The following IKZF3 variants were observed in gnomAD, a reference collection of about 807,000 sequenced individuals.
IKZF3 encodes IKAROS family zinc finger 3.
A neutral mutation model predicts 49.0 loss-of-function variants in IKZF3; 10 were observed. That is an observed-to-expected ratio of 0.20 (90% confidence interval 0.13 to 0.35). The LOEUF (loss-of-function observed/expected upper bound fraction) is 0.35, where lower values mean the gene tolerates loss of function less well. Ranked by LOEUF, IKZF3 falls within the 10% of genes least tolerant of loss-of-function variation. The pLI is 1.00. For missense variants in IKZF3, 498 were observed against 664.8 expected (o/e 0.75, Z 2.76); for synonymous variants, 209 against 228.2 (o/e 0.92, Z 0.76).
chr17:39,825,030 C>T (rs1409298227), intron 3 of IKZF3, among the ~76,000 whole-genome samples: 1 of 152,166 alleles, frequency 6.6e-6, no homozygotes. Flanking sequence ...TGGCATTTCC[C>T]TGCTGGCACT....
At chr17:39,782,696 A>T (rs191914643) in intron 6 of IKZF3, among the ~76,000 whole-genome samples, 54 of 152,266 alleles carry the variant, frequency 3.5e-4, no homozygotes, top group Middle Eastern at 3.4e-3. Context: ...CGAAATAGGA[A>T]ATCCGTTCCT....
In IKZF3 at chr17:39,758,117, C is replaced by G. The variant is rs946657543; in HGVS notation, c.*7673G>C. 2 of 152,256 alleles carry G rather than the reference C, an allele frequency of 1.3e-5. No homozygotes were observed. Among genetic ancestry groups the G allele is most frequent in the African/African-American group, 4.8e-5 (2 of 41,452 alleles). 9.4% of individuals were successfully genotyped at this position (152,256 alleles called of 1,614,324 possible). On this transcript the variant is annotated 3_prime_UTR_variant, in exon 8 of 8. Coordinates refer to ENST00000346872, the MANE Select transcript of IKZF3 (RefSeq NM_012481.5). ...TCCTCGTCATTCTGCAGACAATGGT[C>G]ATCCACAGACCACACGTGTGGTGGC...
At position 39,792,734 on chromosome 17, in the gene IKZF3, A is replaced by G. The variant is rs2061056666; in HGVS notation, c.363T>C (p.Asp121=). 2.5e-6 allele frequency: 4 copies of G among 1,614,128 alleles called. No homozygotes were observed. Among genetic ancestry groups the G allele is most frequent in the South Asian group, 1.1e-5 (1 of 91,086 alleles). ...AGCTGATGCAGGATAATCCACACACATCGCAGTTCATCTTTCCACTGGTTG... is the reference window on the plus strand; with the variant it reads ...AGCTGATGCAGGATAATCCACACACGTCGCAGTTCATCTTTCCACTGGTTG... ...SRPTSGKMNC[D]VCGLSCISFN... The change falls in exon 4 of 8, where the codon GAT becomes GAC. Residue 121 remains aspartate (D), a synonymous_variant. Transcript: ENST00000346872.
chr17:39,805,774 G>A (rs538731880), intron 3 of IKZF3, among the ~76,000 whole-genome samples: 1 of 152,184 alleles, frequency 6.6e-6, no homozygotes, highest in African/African-American at 2.4e-5. Context: ...ATACTTCAAG[G>A]CTGCAAGCAA....
At chr17:39,845,564 G>C (rs980107478) in intron 1 of IKZF3, among the ~76,000 whole-genome samples, 1 of 151,574 alleles carries the variant, frequency 6.6e-6, no homozygotes, top group Non-Finnish European at 1.5e-5. Flanking sequence ...TTGGAACACA[G>C]CTAAACCCAT....
chr17:39,813,113 A>C (rs1411492422), intron 3 of IKZF3, among the ~76,000 whole-genome samples: 1 of 125,098 alleles, frequency 8.0e-6, no homozygotes, highest in Non-Finnish European at 1.6e-5. Flanking sequence ...AAAAATAAAT[A>C]AATAAATAAA....
At chr17:39,777,991 G>A (rs935478167) in intron 6 of IKZF3, 79 of 1,214,998 alleles carry the variant, frequency 6.5e-5, no homozygotes, top group Non-Finnish European at 7.9e-5. Flanking sequence ...GGGAAAGCTC[G>A]ACCCATCCCC....
chr17:39,852,067 A>T (rs936380471), intron 1 of IKZF3, among the ~76,000 whole-genome samples: 1 of 152,196 alleles, frequency 6.6e-6, no homozygotes, highest in Non-Finnish European at 1.5e-5. Context: ...ATTTTCAGTG[A>T]TCACTAATTT....
intron 1 of IKZF3, among the ~76,000 whole-genome samples, chr17:39,861,406 G>A (rs953195796): frequency 6.6e-6 from 1 of 152,040 alleles, no homozygotes; most frequent in African/African-American, 2.4e-5. Flanking sequence ...AAGATGAGTA[G>A]GCATAAGCAA....
In IKZF3 at chr17:39,761,136, A is replaced by G. The variant is rs1009014809; in HGVS notation, c.*4654T>C. The G allele has an allele frequency of 2.0e-5, 3 of 152,142 alleles. No homozygotes were observed. Among genetic ancestry groups the G allele is most frequent in the African/African-American group, 7.2e-5 (3 of 41,424 alleles). The allele number at this position is 152,142 out of a possible 1,614,324, so 9.4% of individuals were successfully genotyped here. A position where few individuals can be genotyped will look rare whatever the true frequency, so the allele number is the denominator to read the frequency against. On this transcript the variant is annotated 3_prime_UTR_variant, in exon 8 of 8. Coordinates refer to ENST00000346872, the MANE Select transcript of IKZF3 (RefSeq NM_012481.5). ...GCCGATTTTGAGTATGGGCCTAACA[A>G]AATGTTAAGCACTGCATTTAAAAGG...
At chr17:39,822,643 C>T (rs1598115109) in intron 3 of IKZF3, among the ~76,000 whole-genome samples, 4 of 144,236 alleles carry the variant, frequency 2.8e-5, no homozygotes, top group South Asian at 4.3e-4. Flanking sequence ...AGTGCAGTGG[C>T]GCGATCTTGG....
Position 39,763,239 on chromosome 17 carries a change from G to A in IKZF3, c.*2551C>T, listed in dbSNP as rs1022706056. 6.6e-6 allele frequency: 1 copy of A among 152,132 alleles called. No individual in the cohort carries two copies. The highest frequency in any genetic ancestry group is 1.5e-5 in the Non-Finnish European group (1 of 68,042). The allele number at this position is 152,132 out of a possible 1,614,324, so 9.4% of individuals were successfully genotyped here. On this transcript the variant is annotated 3_prime_UTR_variant, in exon 8 of 8. Transcript: ENST00000346872. ...TAAAACCTTTTTTCCTGAGACAGAC[G>A]CCATGCCACAAAGAAGGATAAGCCA...
chr17:39,856,027 G>GTACAATATAACATGTATATTGTACATA (rs1437548595), intron 1 of IKZF3, among the ~76,000 whole-genome samples: 3 of 132,822 alleles, frequency 2.3e-5, no homozygotes, highest in African/African-American at 9.6e-5. Context: ...TATTGTATAT[G>GTACAATATAACATGTATATTGTACATA]TACAATATAA....
chr17:39,823,634 G>T (rs984271190), intron 3 of IKZF3, among the ~76,000 whole-genome samples: 1 of 152,092 alleles, frequency 6.6e-6, no homozygotes, highest in Non-Finnish European at 1.5e-5. Flanking sequence ...TTCTGTGCAG[G>T]CTCAGGACAT....
At chr17:39,808,250 C>T (rs2061477182) in intron 3 of IKZF3, among the ~76,000 whole-genome samples, 1 of 152,154 alleles carries the variant, frequency 6.6e-6, no homozygotes, top group Admixed American at 6.5e-5. Flanking sequence ...TGTTCCTGTA[C>T]AACTGATTTC....
intron 3 of IKZF3, among the ~76,000 whole-genome samples, chr17:39,802,823 CAAAA>C (rs558413530): frequency 1.4e-4 from 7 of 50,262 alleles, no homozygotes; most frequent in Admixed American, 2.3e-4. Flanking sequence ...AGACCTGTCT[CAAAA>C]AAAAAAAAAA....
intron 6 of IKZF3, among the ~76,000 whole-genome samples, chr17:39,780,297 C>T (rs1276270374): frequency 6.7e-6 from 1 of 150,144 alleles, no homozygotes; most frequent in Non-Finnish European, 1.5e-5. Context: ...TTATTAGTGG[C>T]CTTAAAAAAC....
intron 7 of IKZF3, among the ~76,000 whole-genome samples, chr17:39,776,755 T>C (rs148065872): frequency 3.2e-4 from 49 of 152,316 alleles, no homozygotes; most frequent in African/African-American, 1.2e-3. Context: ...GTAAGAGCTA[T>C]TGAGAAGAAT....
At position 39,777,696 on chromosome 17, in the gene IKZF3, T is replaced by C. The variant is rs746943761; in HGVS notation, c.781A>G (p.Ser261Gly). The change falls in exon 7 of 8, where the codon AGC becomes GGC. Residue 261 changes from serine (S) to glycine (G), a missense_variant. Physicochemically the swap from Ser to Gly is moderately conservative, Grantham distance 56. Around this residue, in one of 3 missense-constraint regions of IKZF3, gnomAD observed 317 missense variants for 397.3 expected, o/e 0.80. Transcript: ENST00000346872. ...ERALVLDRLASNVAKRKSSMP... is the reference protein window; with the variant it reads ...ERALVLDRLAGNVAKRKSSMP... The stretch of plus-strand genomic sequence containing the variant: ...GAGCTTTTTCGTTTTGCCACATTGC[T>C]TGCTAATCTGTCCAGTACGAGAGCT... 1 of 1,614,010 alleles carries C rather than the reference T, an allele frequency of 6.2e-7. No individual in the cohort carries two copies. Among genetic ancestry groups the C allele is most frequent in the South Asian group, 1.1e-5 (1 of 91,038 alleles).
Sources: allele counts gnomAD v4.1 joint callset (sites outside exome capture counted in the v4.1 genomes callset), GRCh38; gene constraint gnomAD v4.1.1; regional missense constraint gnomAD v4.1.1; transcripts MANE v1.5; gene names NCBI Gene and HGNC (gene_info 2026-07-23, HGNC 2026-07-21).